The following NFIB variants were observed in gnomAD, a reference collection of about 807,000 sequenced individuals.
The protein encoded by NFIB is nuclear factor I B, also known as nuclear factor 1 B-type.
A neutral mutation model predicts 61.5 loss-of-function variants in NFIB; 11 were observed. The observed-to-expected ratio is 0.18, with a 90% CI of 0.11 to 0.30. NFIB has a LOEUF of 0.30. NFIB is among the 10% of genes least tolerant of loss of function. The pLI, the probability that NFIB is intolerant of heterozygous loss-of-function variation, is 1.00. For missense variants in NFIB, 471 were observed against 608.9 expected (o/e 0.77, Z 2.38); for synonymous variants, 260 against 216.5 (o/e 1.20, Z -1.76).
At chr9:14,370,303 A>G (rs752377667) in intron 1 of NFIB, among the ~76,000 whole-genome samples, 26 of 152,254 alleles carry the variant, frequency 1.7e-4, no homozygotes, top group Non-Finnish European at 3.1e-4. Context: ...TTATTTGTAT[A>G]TTAATGGTCT....
In NFIB at chr9:14,116,294, A is replaced by G; in HGVS notation, c.1298T>C (p.Val433Ala). 1.9e-6 allele frequency: 3 copies of G among 1,539,652 alleles called. No homozygotes were observed. Among genetic ancestry groups the G allele is most frequent in the Non-Finnish European group, 2.6e-6 (3 of 1,141,122 alleles). Residue 433 changes from valine (V) to alanine (A), a missense_variant, in exon 9 of 11, where the codon GTC (valine) becomes GCC (alanine). Transcript: ENST00000380953. ...ACTGGGATGGGGAGAGGGTGCCAAG[A>G]CAGGAGTGAAATGGCCAGGCACTTT... Reference protein sequence around the residue: ...VGKVPGHFTPVLAPSPHPSAV... With the variant: ...VGKVPGHFTPALAPSPHPSAV...
intron 10 of NFIB, 22 bp from the exon 11 acceptor site, chr9:14,088,348 C>A: frequency 2.0e-6 from 3 of 1,482,852 alleles, no homozygotes; most frequent in South Asian, 2.9e-5. Context: ...AGAGAGGCAG[C>A]AGGGAGGGAA....
the NFIB span, among the ~76,000 whole-genome samples, chr9:14,514,813 A>G: frequency 1.3e-5 from 2 of 152,154 alleles, no homozygotes; most frequent in Non-Finnish European, 2.9e-5. Context: ...AAATATACCA[A>G]TGCGTGGGTC....
intron 2 of NFIB, among the ~76,000 whole-genome samples, chr9:14,217,750 C>G (rs771875936): frequency 1.1e-4 from 16 of 150,688 alleles, no homozygotes; most frequent in Non-Finnish European, 2.2e-4. Context: ...GCTCCAAACA[C>G]TCATATTGCT....
upstream of NFIB, among the ~76,000 whole-genome samples, chr9:14,400,679 C>T (rs569425820): frequency 9.2e-5 from 14 of 152,258 alleles, no homozygotes; most frequent in East Asian, 2.5e-3. Flanking sequence ...AGGAGGCCTC[C>T]ATCTCAGGAA....
chr9:14,413,754 C>A, the NFIB span, among the ~76,000 whole-genome samples: 1 of 152,080 alleles, frequency 6.6e-6, no homozygotes. Flanking sequence ...AATATCATTC[C>A]AGGATGCATA....
the NFIB span, among the ~76,000 whole-genome samples, chr9:14,447,929 A>C: frequency 6.6e-6 from 1 of 152,162 alleles, no homozygotes; most frequent in African/African-American, 2.4e-5. Flanking sequence ...TAAATTATGC[A>C]TAGAAGGAAG....
chr9:14,277,638 A>G (rs1338563799), intron 2 of NFIB, among the ~76,000 whole-genome samples: 1 of 152,142 alleles, frequency 6.6e-6, no homozygotes, highest in African/African-American at 2.4e-5. Context: ...ATTCCTGTTC[A>G]CTTGCCATAG....
At chr9:14,121,363 TAAG>T (rs912293326) in intron 7 of NFIB, among the ~76,000 whole-genome samples, 4 of 152,094 alleles carry the variant, frequency 2.6e-5, no homozygotes, top group African/African-American at 9.7e-5. Context: ...GTCACAGCAT[TAAG>T]TAGAGGGCAA....
upstream of NFIB, among the ~76,000 whole-genome samples, chr9:14,403,329 G>C (rs1010627265): frequency 6.6e-6 from 1 of 152,204 alleles, no homozygotes; most frequent in African/African-American, 2.4e-5. Flanking sequence ...GGCAAGGCAG[G>C]GCATCTGTGC....
chr9:14,320,287 C>G (rs145407685), intron 1 of NFIB, among the ~76,000 whole-genome samples: 2 of 152,232 alleles, frequency 1.3e-5, no homozygotes, highest in East Asian at 3.9e-4. Context: ...AAACGTTTTC[C>G]CAGTGCACAA....
chr9:14,378,924 T>A (rs1187478664), intron 1 of NFIB, among the ~76,000 whole-genome samples: 1 of 151,998 alleles, frequency 6.6e-6, no homozygotes, highest in African/African-American at 2.4e-5. Context: ...ATGTGAAAAA[T>A]TTTTAAAGTT....
chr9:14,400,870 C>T (rs1285497547), upstream of NFIB, among the ~76,000 whole-genome samples: 2 of 152,126 alleles, frequency 1.3e-5, no homozygotes, highest in African/African-American at 2.4e-5. Flanking sequence ...GCATCACTGG[C>T]GTAGGGAGGA....
intron 2 of NFIB, among the ~76,000 whole-genome samples, chr9:14,294,333 G>A (rs902070057): frequency 7.2e-5 from 11 of 152,204 alleles, no homozygotes; most frequent in Non-Finnish European, 1.5e-4. Flanking sequence ...GCATCTCTGA[G>A]AGGCTATGAA....
chr9:14,531,362 C>T, the NFIB span, among the ~76,000 whole-genome samples: 3 of 152,146 alleles, frequency 2.0e-5, no homozygotes, highest in East Asian at 3.8e-4. Flanking sequence ...TATGCATATC[C>T]TCATTAACTA....
At chr9:14,321,921 A>G in intron 1 of NFIB, 1 of 1,231,680 alleles carries the variant, frequency 8.1e-7, no homozygotes, top group Non-Finnish European at 1.0e-6. Flanking sequence ...AACAAAACCC[A>G]TCAGTTCAAA....
the NFIB span, among the ~76,000 whole-genome samples, chr9:14,440,392 A>C: frequency 6.6e-6 from 1 of 151,886 alleles, no homozygotes; most frequent in Non-Finnish European, 1.5e-5. Flanking sequence ...TAATTGGCCT[A>C]TTTTTTTTAT....
At chr9:14,279,733 T>C (rs925850142) in intron 2 of NFIB, among the ~76,000 whole-genome samples, 7 of 152,324 alleles carry the variant, frequency 4.6e-5, no homozygotes, top group African/African-American at 1.7e-4. Flanking sequence ...TGGTTCCTTA[T>C]CTTATTATGA....
chr9:14,291,318 C>T (rs1156849428), intron 2 of NFIB, among the ~76,000 whole-genome samples: 1 of 152,018 alleles, frequency 6.6e-6, no homozygotes, highest in Non-Finnish European at 1.5e-5. Flanking sequence ...AATCCAGTCT[C>T]TACTAAAAAT....
Sources: gnomAD v4.1 joint callset for allele counts (sites outside exome capture counted in the v4.1 genomes callset) on GRCh38, gnomAD v4.1.1 for gene constraint, MANE v1.5 for transcripts, NCBI Gene and HGNC (gene_info 2026-07-23, HGNC 2026-07-21) for gene names.